Variants in TRMT11 observed in about 807,000 individuals in gnomAD.
TRMT11 encodes tRNA methyltransferase 11.
TRMT11 carries 53 observed loss-of-function variants against 62.8 expected under a neutral mutation model. The ratio of observed to expected loss-of-function variants is 0.84; its 90% confidence interval spans 0.68 to 1.06. The LOEUF (loss-of-function observed/expected upper bound fraction) is 1.06, where lower values mean the gene tolerates loss of function less well. Ranked by LOEUF, TRMT11 falls within the 50% of genes least tolerant of loss-of-function variation. The probability of loss-of-function intolerance (pLI) is 0.00; values close to 1 mark genes in which losing one functional copy is unlikely to be tolerated. For missense variants in TRMT11, 556 were observed against 553.4 expected (o/e 1.00, Z -0.05); for synonymous variants, 188 against 190.3 (o/e 0.99, Z 0.10).
intron 21 of TRMT11, among the ~76,000 whole-genome samples, chr6:126,140,112 G>T (rs557145460): frequency 6.6e-6 from 1 of 151,944 alleles, no homozygotes; most frequent in East Asian, 1.9e-4. Flanking sequence ...TAAAAATGAG[G>T]TATTAAATTT....
the TRMT11 span, among the ~76,000 whole-genome samples, chr6:126,222,877 G>C: frequency 6.6e-6 from 1 of 151,312 alleles, no homozygotes; most frequent in Non-Finnish European, 1.5e-5. Context: ...GTTGTTACCT[G>C]GTTCCTATAT....
chr6:126,258,448 G>A, the TRMT11 span: 28 of 298,394 alleles, frequency 9.4e-5, no homozygotes, highest in African/African-American at 4.8e-4. Flanking sequence ...TCCGCTCTGC[G>A]CAGCTCCACG....
the TRMT11 span, among the ~76,000 whole-genome samples, chr6:126,217,859 G>A: frequency 6.6e-6 from 1 of 152,136 alleles, no homozygotes; most frequent in African/African-American, 2.4e-5. Flanking sequence ...TCAACTGCAG[G>A]TGAGTCCAGA....
chr6:126,046,110 C>A (rs1009361613), intron 16 of TRMT11, among the ~76,000 whole-genome samples: 1 of 152,124 alleles, frequency 6.6e-6, no homozygotes, highest in Non-Finnish European at 1.5e-5. Flanking sequence ...TAGATAAATT[C>A]TTGGAGTTGG....
At chr6:126,114,529 G>C (rs1217298887) in intron 18 of TRMT11, among the ~76,000 whole-genome samples, 2 of 152,030 alleles carry the variant, frequency 1.3e-5, no homozygotes, top group Non-Finnish European at 2.9e-5. Flanking sequence ...CTTGAAGGTG[G>C]GACCTGTATG....
chr6:126,101,435 G>A (rs984994436), intron 17 of TRMT11, among the ~76,000 whole-genome samples: 2 of 152,146 alleles, frequency 1.3e-5, no homozygotes, highest in South Asian at 2.1e-4. Flanking sequence ...ACCCAATGCA[G>A]TAAAGCATCA....
At chr6:126,014,384 G>C (rs1794683739) in intron 11 of TRMT11, among the ~76,000 whole-genome samples, 1 of 152,072 alleles carries the variant, frequency 6.6e-6, no homozygotes, top group Non-Finnish European at 1.5e-5. Context: ...CCGAGTAGCT[G>C]GGATTACAGG....
chr6:126,124,367 C>T (rs1777684649), intron 21 of TRMT11, among the ~76,000 whole-genome samples: 1 of 152,082 alleles, frequency 6.6e-6, no homozygotes, highest in Admixed American at 6.6e-5. Flanking sequence ...CACTCTTCAG[C>T]ATTCAGACTT....
At chr6:126,223,859 T>C in the TRMT11 span, among the ~76,000 whole-genome samples, 1 of 152,188 alleles carries the variant, frequency 6.6e-6, no homozygotes, top group Admixed American at 6.5e-5. Context: ...ATTCTTTTTC[T>C]TTATTTTTCT....
At chr6:126,083,332 T>C (rs17229485) in intron 17 of TRMT11, among the ~76,000 whole-genome samples, 2,533 of 152,256 alleles carry the variant, frequency 0.017, 83 homozygotes, top group Admixed American at 0.062. Flanking sequence ...TACCTAAGCC[T>C]AAGCATTAAT....
In TRMT11 at chr6:126,179,218, C is replaced by T. The variant is rs544509314; in HGVS notation, n.143+1883C>T. ...TCCTGTGAACGCTTGAGGCTCTCTG[C>T]TTTCAATTAAGTGAATTACTGCTTA... On this transcript the variant is annotated intron_variant and non_coding_transcript_variant, in intron 1 of 3. Coordinates refer to the TRMT11 transcript ENST00000444229. Among the ~76,000 whole-genome samples the T allele has an allele frequency of 3.3e-5, 5 of 152,280 alleles. No homozygotes were observed. In the South Asian group the frequency reaches 1.0e-3, roughly 32 times the overall value.
At chr6:126,189,168 T>C (rs915104241) in intron 1 of TRMT11, among the ~76,000 whole-genome samples, 5 of 152,148 alleles carry the variant, frequency 3.3e-5, no homozygotes, top group Non-Finnish European at 7.4e-5. Context: ...ATCTTTTATT[T>C]ACCAAGTACT....
chr6:126,209,930 A>G, the TRMT11 span, among the ~76,000 whole-genome samples: 2,773 of 152,252 alleles, frequency 0.018, 88 homozygotes, highest in African/African-American at 0.063. Context: ...CTTAGGCTCT[A>G]CGCTCTTCTC....
chr6:126,020,600 T>C (rs989242187), intron 11 of TRMT11, among the ~76,000 whole-genome samples: 2 of 152,256 alleles, frequency 1.3e-5, no homozygotes, highest in African/African-American at 4.8e-5. Context: ...AGTGTTTATT[T>C]TAGTTGTAGT....
upstream of TRMT11, among the ~76,000 whole-genome samples, chr6:126,175,877 T>G (rs1000824420): frequency 1.3e-5 from 2 of 152,222 alleles, no homozygotes; most frequent in East Asian, 3.8e-4. Flanking sequence ...CAAAATGCCC[T>G]GAAAATGATT....
rs577205155 is a variant in TRMT11 at position 126,066,965 on chromosome 6, C to T, written c.*1437+13775C>T. 3.2e-4 allele frequency among the ~76,000 whole-genome samples: 48 copies of T among 151,992 alleles called. No individual in the cohort carries two copies. In the East Asian group the frequency reaches 9.3e-3, roughly 30 times the overall value. On this transcript the variant is annotated intron_variant and NMD_transcript_variant, in intron 17 of 22. Transcript: ENST00000648977. ...AAGGGCCGGGCACAGTGGCTCACGCCTGTAATCCCAGCACTTCTGTAGGCC... is the reference window on the plus strand; with the variant it reads ...AAGGGCCGGGCACAGTGGCTCACGCTTGTAATCCCAGCACTTCTGTAGGCC...
At chr6:126,185,503 T>G (rs1320526594) in intron 1 of TRMT11, among the ~76,000 whole-genome samples, 1 of 152,252 alleles carries the variant, frequency 6.6e-6, no homozygotes, top group Non-Finnish European at 1.5e-5. Flanking sequence ...TCACTTGTTT[T>G]ATCTTACTGA....
chr6:126,125,733 A>G (rs749936857), intron 21 of TRMT11, among the ~76,000 whole-genome samples: 18 of 152,048 alleles, frequency 1.2e-4, no homozygotes, highest in Admixed American at 3.9e-4. Flanking sequence ...TCCGTTGTTC[A>G]CTGGAGTTTA....
chr6:126,100,883 T>G (rs1474840685), intron 17 of TRMT11, among the ~76,000 whole-genome samples: 2 of 152,162 alleles, frequency 1.3e-5, no homozygotes, highest in African/African-American at 4.8e-5. Context: ...ACAGGTCTCC[T>G]GTGGGGGTGA....
Sources: gnomAD v4.1 joint callset for allele counts (sites outside exome capture counted in the v4.1 genomes callset) on GRCh38, gnomAD v4.1.1 for gene constraint, MANE v1.5 for transcripts, NCBI Gene and HGNC (gene_info 2026-07-23, HGNC 2026-07-21) for gene names.